Variants in RALYL observed in about 807,000 individuals in gnomAD.
RALYL encodes RNA-binding Raly-like protein.
Under a neutral mutation model 35.1 loss-of-function variants are expected in RALYL, and 29 were observed. The ratio of observed to expected loss-of-function variants is 0.83; its 90% CI spans 0.61 to 1.13. The LOEUF (loss-of-function observed/expected upper bound fraction) is 1.13. Among genes scored for constraint, RALYL ranks in the 50% most tolerant of loss-of-function variants. The pLI is 0.00. For missense variants in RALYL, 359 were observed against 360.4 expected (o/e 1.00, Z 0.03); for synonymous variants, 120 against 127.6 (o/e 0.94, Z 0.40).
chr8:84,776,739 G>A (rs1052994328), intron 3 of RALYL, among the ~76,000 whole-genome samples: 2 of 151,960 alleles, frequency 1.3e-5, no homozygotes, highest in African/African-American at 4.8e-5. Flanking sequence ...GGATTGTTTT[G>A]ATTTTCTTAT....
chr8:84,213,789 T>C (rs574637797), intron 1 of RALYL, among the ~76,000 whole-genome samples: 1 of 152,342 alleles, frequency 6.6e-6, no homozygotes, highest in Non-Finnish European at 1.5e-5. Context: ...CCTAAGAATA[T>C]ATGTTCGAAT....
intron 1 of RALYL, among the ~76,000 whole-genome samples, chr8:84,483,635 G>A (rs76819730): frequency 0.017 from 2,517 of 152,186 alleles, 70 homozygotes; most frequent in African/African-American, 0.057. Flanking sequence ...TCAAAAGGTG[G>A]AAAATGTAAT....
In RALYL at chr8:84,320,828, A is replaced by G. The variant is rs1221213027; in HGVS notation, c.-24+136404A>G. 3.3e-5 allele frequency among the ~76,000 whole-genome samples: 5 copies of G among 152,120 alleles called. No individual in the cohort carries two copies. The East Asian group carries it at 9.6e-4, about 29-fold the overall frequency. The stretch of plus-strand genomic sequence containing the variant: ...TTTTAGATTCTTCATGAATCCAGCC[A>G]AGATAGATTATCAGATTTTTTTTTC... On this transcript the variant is annotated intron_variant, in intron 1 of 8. Coordinates refer to ENST00000521268, the MANE Select transcript of RALYL (RefSeq NM_173848.7).
intron 1 of RALYL, among the ~76,000 whole-genome samples, chr8:84,508,641 C>A (rs1211853060): frequency 6.6e-5 from 10 of 151,948 alleles, no homozygotes; most frequent in African/African-American, 2.4e-4. Context: ...AAGTACTGCA[C>A]AAATTATATA....
chr8:84,452,672 G>T (rs185987908), intron 1 of RALYL, among the ~76,000 whole-genome samples: 216 of 152,018 alleles, frequency 1.4e-3, no homozygotes, highest in African/African-American at 4.9e-3. Flanking sequence ...AAGAGTTAAG[G>T]AAATGTTGCC....
chr8:84,246,816 A>C (rs768371796), intron 1 of RALYL, among the ~76,000 whole-genome samples: 2 of 152,152 alleles, frequency 1.3e-5, no homozygotes, highest in Non-Finnish European at 2.9e-5. Context: ...ATGCTTTTCC[A>C]CACCAATAAG....
In RALYL at chr8:84,623,711, G is replaced by A. The variant is rs532935861; in HGVS notation, c.256+94134G>A. 7.9e-5 allele frequency among the ~76,000 whole-genome samples: 12 copies of A among 152,236 alleles called. No homozygotes were observed. In the South Asian group the frequency reaches 8.3e-4, roughly 11 times the overall value. On this transcript the variant is annotated intron_variant, in intron 2 of 8. Transcript: ENST00000521268. ...AAAATCATGTGGGAGTTGATGGTGA[G>A]GAGGGATGTTGGTACAAATAGTTAC...
At chr8:84,303,268 C>T (rs563168163) in intron 1 of RALYL, among the ~76,000 whole-genome samples, 12 of 152,136 alleles carry the variant, frequency 7.9e-5, no homozygotes, top group South Asian at 2.1e-4. Flanking sequence ...TTATGTATTT[C>T]GGTGAGTTGG....
chr8:84,774,922 G>T (rs1461337953), intron 3 of RALYL, among the ~76,000 whole-genome samples: 1 of 151,964 alleles, frequency 6.6e-6, no homozygotes, highest in African/African-American at 2.4e-5. Flanking sequence ...ACAAGTAGGT[G>T]GAAAGGCCAA....
intron 1 of RALYL, among the ~76,000 whole-genome samples, chr8:84,401,164 G>T (rs2042846382): frequency 6.6e-6 from 1 of 152,086 alleles, no homozygotes; most frequent in Non-Finnish European, 1.5e-5. Context: ...TCAACAGTCA[G>T]TTATGTCAAG....
intron 1 of RALYL, among the ~76,000 whole-genome samples, chr8:84,512,796 A>G (rs1413716055): frequency 6.6e-6 from 1 of 152,254 alleles, no homozygotes; most frequent in East Asian, 1.9e-4. Flanking sequence ...TACTTTCTCC[A>G]ATGTATGTTC....
chr8:84,766,340 G>A (rs1324171302), intron 2 of RALYL, among the ~76,000 whole-genome samples: 1 of 151,812 alleles, frequency 6.6e-6, no homozygotes, highest in Non-Finnish European at 1.5e-5. Context: ...CCAAGAAAAG[G>A]ATATAATGTA....
chr8:84,346,779 A>AT (rs1849913742), intron 1 of RALYL, among the ~76,000 whole-genome samples: 1 of 152,126 alleles, frequency 6.6e-6, no homozygotes, highest in Non-Finnish European at 1.5e-5. Flanking sequence ...CAGAATATTG[A>AT]TTTTATTGGA....
chr8:84,487,386 A>G (rs1564018058), intron 1 of RALYL, among the ~76,000 whole-genome samples: 1 of 152,096 alleles, frequency 6.6e-6, no homozygotes, highest in Non-Finnish European at 1.5e-5. Context: ...TATTTAAAAG[A>G]ATTTTTTAAT....
chr8:84,495,051 A>G (rs992327403), intron 1 of RALYL, among the ~76,000 whole-genome samples: 2 of 152,120 alleles, frequency 1.3e-5, no homozygotes, highest in African/African-American at 4.8e-5. Context: ...AATTGATTTT[A>G]TAATTTTGAG....
intron 1 of RALYL, among the ~76,000 whole-genome samples, chr8:84,206,702 G>C (rs760664306): frequency 1.3e-5 from 2 of 152,078 alleles, no homozygotes; most frequent in Non-Finnish European, 2.9e-5. Flanking sequence ...GATTTCTCTG[G>C]GAATAAGGAA....
At chr8:84,350,670 C>G (rs2131060405) in intron 1 of RALYL, among the ~76,000 whole-genome samples, 1 of 150,144 alleles carries the variant, frequency 6.7e-6, no homozygotes, top group South Asian at 2.1e-4. Flanking sequence ...GACAAGAGGC[C>G]CCTTCTCATT....
intron 1 of RALYL, among the ~76,000 whole-genome samples, chr8:84,450,995 C>T (rs1244799011): frequency 1.3e-5 from 2 of 151,994 alleles, no homozygotes; most frequent in Non-Finnish European, 2.9e-5. Flanking sequence ...TACAGCTTTT[C>T]TGCATTCCCA....
chr8:84,503,895 A>G (rs1224604399), intron 1 of RALYL, among the ~76,000 whole-genome samples: 1 of 152,046 alleles, frequency 6.6e-6, no homozygotes, highest in East Asian at 1.9e-4. Flanking sequence ...AACCAAAAAT[A>G]TAGAGAAGAT....
Sources: allele counts gnomAD v4.1 joint callset (sites outside exome capture counted in the v4.1 genomes callset), GRCh38; gene constraint gnomAD v4.1.1; transcripts MANE v1.5; gene names NCBI Gene and HGNC (gene_info 2026-07-23, HGNC 2026-07-21).